FAF1: variants seen among roughly 807,000 people sequenced by gnomAD.
FAF1 encodes the protein FAS-associated factor 1.
FAF1 carries 25 observed loss-of-function variants against 92.5 expected under a neutral mutation model. The ratio of observed to expected loss-of-function variants is 0.27; its 90% confidence interval spans 0.20 to 0.38. The LOEUF is 0.38. Among genes scored for constraint, FAF1 ranks in the 10% least tolerant of loss-of-function variants. The probability of loss-of-function intolerance (pLI) is 1.00; values close to 1 mark genes in which losing one functional copy is unlikely to be tolerated. For synonymous variants in FAF1, 234 were observed against 273.2 expected, an observed-to-expected ratio of 0.86 and a Z score of 1.42; for missense variants, 636 against 793.3, an observed-to-expected ratio of 0.80 and a Z score of 2.38.
intron 1 of FAF1, among the ~76,000 whole-genome samples, chr1:50,958,413 C>A (rs976266325): frequency 6.6e-6 from 1 of 152,170 alleles, no homozygotes; most frequent in Non-Finnish European, 1.5e-5. Context: ...CAGTGTGGCT[C>A]ACGCCTGTAA....
At chr1:50,816,451 G>A (rs995458607) in intron 2 of FAF1, among the ~76,000 whole-genome samples, 4 of 151,728 alleles carry the variant, frequency 2.6e-5, no homozygotes, top group Non-Finnish European at 4.4e-5. Flanking sequence ...TGATCCTTCC[G>A]CCTCGGCCTC....
At chr1:50,678,698 T>C (rs1447280735) in intron 7 of FAF1, among the ~76,000 whole-genome samples, 1 of 139,608 alleles carries the variant, frequency 7.2e-6, no homozygotes, top group African/African-American at 2.7e-5. Context: ...GAGAATCGCT[T>C]GAACCCGGGA....
intron 1 of FAF1, among the ~76,000 whole-genome samples, chr1:50,882,703 T>C (rs1489692292): frequency 6.8e-6 from 1 of 148,082 alleles, no homozygotes; most frequent in East Asian, 2.1e-4. Flanking sequence ...ACTAGGTTAA[T>C]GGCTGGGTGC....
At chr1:50,871,957 C>A (rs544646273) in intron 1 of FAF1, among the ~76,000 whole-genome samples, 1 of 149,018 alleles carries the variant, frequency 6.7e-6, no homozygotes, top group South Asian at 2.1e-4. Flanking sequence ...CCCAGCTACT[C>A]GGGAGGCTGA....
chr1:50,897,849 C>T (rs1644768844), intron 1 of FAF1, among the ~76,000 whole-genome samples: 1 of 152,138 alleles, frequency 6.6e-6, no homozygotes, highest in Non-Finnish European at 1.5e-5. Context: ...TTGAGAAGTA[C>T]CATGAGTTTC....
chr1:50,937,649 A>G (rs1311983874), intron 1 of FAF1, among the ~76,000 whole-genome samples: 5 of 152,182 alleles, frequency 3.3e-5, no homozygotes, highest in Admixed American at 3.3e-4. Flanking sequence ...CATATCTAAT[A>G]TTATTAGTTT....
intron 6 of FAF1, among the ~76,000 whole-genome samples, chr1:50,717,087 A>G (rs941334444): frequency 6.6e-6 from 1 of 152,156 alleles, no homozygotes; most frequent in African/African-American, 2.4e-5. Flanking sequence ...GAGCCGTAAC[A>G]CTCACCGCGA....
In FAF1 at chr1:50,698,378, A is replaced by G. The variant is rs75578370; in HGVS notation, c.657+7408T>C. The stretch of plus-strand genomic sequence containing the variant: ...TAGGAGTTAATATTTTAATACTGAA[A>G]AAGAAAAACCTCTTCTTCATGCATG... On this transcript the variant is annotated intron_variant, in intron 7 of 18. Transcript: ENST00000396153. 7.0e-4 allele frequency among the ~76,000 whole-genome samples: 107 copies of G among 152,240 alleles called. 5 individuals carry two copies. The East Asian group carries it at 0.02, about 28-fold the overall frequency.
chr1:50,838,673 G>A (rs1644232130), intron 2 of FAF1, among the ~76,000 whole-genome samples: 1 of 151,040 alleles, frequency 6.6e-6, no homozygotes, highest in African/African-American at 2.4e-5. Context: ...GATGTTACTG[G>A]GTTTTGCAAA....
chr1:50,618,617 G>T (rs565141174), intron 8 of FAF1, among the ~76,000 whole-genome samples: 27 of 152,038 alleles, frequency 1.8e-4, no homozygotes, highest in African/African-American at 6.0e-4. Context: ...GTGCTCCAAT[G>T]CTGGGTGAGC....
At chr1:50,901,355 A>T (rs1180358807) in intron 1 of FAF1, among the ~76,000 whole-genome samples, 1 of 152,128 alleles carries the variant, frequency 6.6e-6, no homozygotes, top group Non-Finnish European at 1.5e-5. Flanking sequence ...ATTTTATTAT[A>T]AATAATACTT....
intron 1 of FAF1, among the ~76,000 whole-genome samples, chr1:50,908,563 G>A (rs1038675120): frequency 5.3e-5 from 8 of 152,088 alleles, no homozygotes; most frequent in Non-Finnish European, 1.2e-4. Flanking sequence ...CTCCTGTATT[G>A]GGTGCACATA....
chr1:50,715,174 G>A (rs550894153), intron 6 of FAF1, among the ~76,000 whole-genome samples: 12 of 152,196 alleles, frequency 7.9e-5, no homozygotes, highest in Non-Finnish European at 1.2e-4. Context: ...TTGTCCCTGG[G>A]GCTCCAGTGT....
chr1:50,538,524 T>C (rs2149039500), intron 14 of FAF1, among the ~76,000 whole-genome samples: 1 of 141,000 alleles, frequency 7.1e-6, no homozygotes, highest in African/African-American at 2.7e-5. Flanking sequence ...TTTGAGCCAC[T>C]AGTGCAAATG....
At chr1:50,758,458 G>A (rs1660173527) in intron 4 of FAF1, among the ~76,000 whole-genome samples, 1 of 152,254 alleles carries the variant, frequency 6.6e-6, no homozygotes, top group South Asian at 2.1e-4. Context: ...TGTTATTGTT[G>A]TCATACCTGT....
chr1:50,804,465 C>T (rs1662113684), intron 2 of FAF1, among the ~76,000 whole-genome samples: 1 of 151,972 alleles, frequency 6.6e-6, no homozygotes, highest in South Asian at 2.1e-4. Flanking sequence ...AGGAAAAAGA[C>T]TGGGAAAGTG....
intron 6 of FAF1, among the ~76,000 whole-genome samples, chr1:50,719,931 G>A (rs1001529232): frequency 6.6e-6 from 1 of 152,036 alleles, no homozygotes; most frequent in African/African-American, 2.4e-5. Context: ...CTTTAATTGA[G>A]GACAAGTTTC....
chr1:50,467,774 A>T (rs1386215934), intron 18 of FAF1, among the ~76,000 whole-genome samples: 1 of 152,026 alleles, frequency 6.6e-6, no homozygotes, highest in Non-Finnish European at 1.5e-5. Context: ...AAGTTACCTA[A>T]CCTCTTTTGT....
chr1:50,930,649 C>T (rs1244987087), intron 1 of FAF1, among the ~76,000 whole-genome samples: 12 of 152,122 alleles, frequency 7.9e-5, no homozygotes, highest in Non-Finnish European at 1.5e-4. Flanking sequence ...TCCTGGCTAA[C>T]ACAGTGAAAC....
Sources: gnomAD v4.1 joint callset for allele counts (sites outside exome capture counted in the v4.1 genomes callset) on GRCh38, gnomAD v4.1.1 for gene constraint, MANE v1.5 for transcripts, NCBI Gene and HGNC (gene_info 2026-07-23, HGNC 2026-07-21) for gene names.